KLHL1: variants seen among roughly 807,000 people sequenced by gnomAD.
The protein encoded by KLHL1 is kelch-like protein 1.
A neutral mutation model predicts 77.7 loss-of-function variants in KLHL1; 47 were observed. The observed-to-expected ratio is 0.60, with a 90% confidence interval of 0.48 to 0.77. The LOEUF is 0.77. KLHL1 is among the 30% of genes least tolerant of loss of function. The pLI, the probability that KLHL1 is intolerant of heterozygous loss-of-function variation, is 0.00. For synonymous variants in KLHL1, 360 were observed against 325.2 expected (o/e 1.11, Z -1.15); for missense variants, 925 against 910.8 (o/e 1.02, Z -0.20).
In KLHL1 at chr13:69,827,909, G is replaced by A. The variant is rs138194883; in HGVS notation, c.1414+11067C>T. Among the ~76,000 whole-genome samples, 251 of 136,260 alleles carry A rather than the reference G, an allele frequency of 1.8e-3. 10 individuals carry two copies. The highest frequency in any genetic ancestry group is 0.016 in the Admixed American group (222 of 13,590). 89.4% of individuals were successfully genotyped at this position (136,260 alleles called of 152,430 possible). A position where few individuals can be genotyped will look rare whatever the true frequency, so the allele number is the denominator to read the frequency against. ...TTCTTAATCTCTTCAAATTCAAAAT[G>A]AGCTTGGAAAATACTCTCAAGATAA... is the stretch of plus-strand genomic sequence containing the variant. On this transcript the variant is annotated intron_variant, in intron 6 of 10. Coordinates refer to ENST00000377844, the MANE Select transcript of KLHL1 (RefSeq NM_020866.3).
intron 4 of KLHL1, among the ~76,000 whole-genome samples, chr13:69,911,752 A>C (rs1190616151): frequency 6.6e-6 from 1 of 152,074 alleles, no homozygotes; most frequent in Non-Finnish European, 1.5e-5. Context: ...ACTAAATGAA[A>C]TATATTATAT....
At chr13:69,988,713 T>C (rs1884942265) in intron 1 of KLHL1, among the ~76,000 whole-genome samples, 1 of 152,156 alleles carries the variant, frequency 6.6e-6, no homozygotes, top group Non-Finnish European at 1.5e-5. Flanking sequence ...TAATGATTAG[T>C]GATATTGAAC....
chr13:69,931,280 TA>T (rs758515707), intron 4 of KLHL1, among the ~76,000 whole-genome samples: 1 of 151,802 alleles, frequency 6.6e-6, no homozygotes, highest in Non-Finnish European at 1.5e-5. Flanking sequence ...TAAGATTTAC[TA>T]TTGGTGAAAT....
At chr13:69,998,931 A>C (rs1280514421) in intron 1 of KLHL1, among the ~76,000 whole-genome samples, 1 of 151,836 alleles carries the variant, frequency 6.6e-6, no homozygotes, top group Admixed American at 6.6e-5. Flanking sequence ...GGATGCTTTG[A>C]CTTCCCACAT....
intron 7 of KLHL1, among the ~76,000 whole-genome samples, chr13:69,751,211 G>A: frequency 6.6e-6 from 1 of 151,392 alleles, no homozygotes; most frequent in Non-Finnish European, 1.5e-5. Context: ...AGGCTGTCAG[G>A]TAAAGTTTAG....
chr13:69,886,514 T>A, intron 4 of KLHL1, among the ~76,000 whole-genome samples: 1 of 151,650 alleles, frequency 6.6e-6, no homozygotes, highest in South Asian at 2.1e-4. Flanking sequence ...AAAACTCTTT[T>A]GAAATTTTAT....
chr13:69,803,073 T>A (rs1462698765), intron 6 of KLHL1: 1 of 152,198 alleles, frequency 6.6e-6, no homozygotes, highest in Non-Finnish European at 1.5e-5. Flanking sequence ...AGAGAATTCA[T>A]GATATGTATA....
At chr13:69,740,005 C>A (rs1406824428) in intron 8 of KLHL1, among the ~76,000 whole-genome samples, 1 of 152,008 alleles carries the variant, frequency 6.6e-6, no homozygotes, top group African/African-American at 2.4e-5. Flanking sequence ...CCTCAAATAT[C>A]AATAGTGTTG....
Position 70,107,683 on chromosome 13 carries a change from C to A in KLHL1, c.17G>T (p.Arg6Leu), listed in dbSNP as rs754998896. 2 of 1,528,750 alleles carry A rather than the reference C, an allele frequency of 1.3e-6. No homozygotes were observed. Among genetic ancestry groups the A allele is most frequent in the South Asian group, 2.6e-5 (2 of 76,394 alleles). The allele number at this position is 1,528,750 out of a possible 1,614,324, so 94.7% of individuals were successfully genotyped here. A position where few individuals can be genotyped will look rare whatever the true frequency, so the allele number is the denominator to read the frequency against. Residue 6 changes from arginine (R) to leucine (L), a missense_variant, in exon 1 of 11, where the codon CGA (arginine) becomes CTA (leucine). Physicochemically the swap from Arg to Leu is moderately radical, Grantham distance 102. Transcript: ENST00000377844. Reference sequence around the variant, plus strand: ...AATGTGCTTCACATCGAAGTCTTTTCGCCCAGAGCCTGACATGCTTTACGC... The same window carrying A: ...AATGTGCTTCACATCGAAGTCTTTTAGCCCAGAGCCTGACATGCTTTACGC... MSGSG[R>L]KDFDVKHILR...
At chr13:69,770,926 T>G (rs540928276) in intron 7 of KLHL1, among the ~76,000 whole-genome samples, 2 of 152,264 alleles carry the variant, frequency 1.3e-5, no homozygotes, top group African/African-American at 4.8e-5. Flanking sequence ...TTTGTAGTTT[T>G]AGTAGATGCT....
At chr13:70,075,832 C>G (rs1192434868) in intron 1 of KLHL1, among the ~76,000 whole-genome samples, 1 of 148,090 alleles carries the variant, frequency 6.8e-6, no homozygotes, top group Non-Finnish European at 1.5e-5. Context: ...AAGTCAATTG[C>G]TTTCCTATAC....
chr13:69,813,397 A>C (rs1298284758), intron 6 of KLHL1, among the ~76,000 whole-genome samples: 1 of 151,960 alleles, frequency 6.6e-6, no homozygotes, highest in Non-Finnish European at 1.5e-5. Context: ...TGGGTACAGC[A>C]CACCAACATG....
intron 1 of KLHL1, among the ~76,000 whole-genome samples, chr13:70,057,110 T>A (rs984977174): frequency 1.3e-5 from 2 of 152,086 alleles, no homozygotes; most frequent in Non-Finnish European, 2.9e-5. Flanking sequence ...ACATTACAAC[T>A]GATACTGCAG....
At chr13:69,859,966 AAAC>A (rs1447428034) in intron 5 of KLHL1, among the ~76,000 whole-genome samples, 1 of 152,082 alleles carries the variant, frequency 6.6e-6, no homozygotes, top group East Asian at 1.9e-4. Flanking sequence ...CTGAAGGCCT[AAAC>A]AACAACTATT....
intron 4 of KLHL1, among the ~76,000 whole-genome samples, chr13:69,934,962 G>GTATATATATATATATATATATATA (rs67195697): frequency 1.3e-3 from 166 of 129,730 alleles, no homozygotes; most frequent in East Asian, 5.1e-3. Flanking sequence ...GTGTGCATGT[G>GTATATATATATATATATATATATA]TATATATATA....
chr13:70,078,764 T>C (rs984564644), intron 1 of KLHL1, among the ~76,000 whole-genome samples: 1 of 152,154 alleles, frequency 6.6e-6, no homozygotes, highest in Admixed American at 6.5e-5. Context: ...TTTTAAAAAT[T>C]ATAAATATAT....
At chr13:69,991,387 A>G (rs1027077861) in intron 1 of KLHL1, among the ~76,000 whole-genome samples, 1 of 151,672 alleles carries the variant, frequency 6.6e-6, no homozygotes, top group Admixed American at 6.6e-5. Context: ...GAAAACAACA[A>G]CAATGACAAC....
chr13:69,840,375 C>T (rs940074319), intron 5 of KLHL1, among the ~76,000 whole-genome samples: 3 of 151,780 alleles, frequency 2.0e-5, no homozygotes, highest in Admixed American at 2.0e-4. Flanking sequence ...AGATGTGCAC[C>T]ACCATGCCCA....
intron 1 of KLHL1, among the ~76,000 whole-genome samples, chr13:69,998,560 T>C (rs1415499852): frequency 6.6e-6 from 1 of 152,026 alleles, no homozygotes; most frequent in African/African-American, 2.4e-5. Context: ...TAGAAGTAAA[T>C]CACATGGAAA....
Sources: allele counts gnomAD v4.1 joint callset (sites outside exome capture counted in the v4.1 genomes callset), GRCh38; gene constraint gnomAD v4.1.1; transcripts MANE v1.5; gene names NCBI Gene and HGNC (gene_info 2026-07-23, HGNC 2026-07-21).